The following SORCS3 variants were observed in gnomAD, a reference collection of about 807,000 sequenced individuals.
SORCS3 encodes VPS10 domain-containing receptor SorCS3.
SORCS3 carries 57 observed loss-of-function variants against 146.3 expected under a neutral mutation model. That is an observed-to-expected ratio of 0.39 (90% CI 0.31 to 0.49). The LOEUF (loss-of-function observed/expected upper bound fraction) is 0.49, where lower values mean the gene tolerates loss of function less well. SORCS3 is among the 20% of genes least tolerant of loss of function. SORCS3 has a pLI of 0.92. For synonymous variants in SORCS3, 653 were observed against 618.5 expected, an observed-to-expected ratio of 1.06 and a Z score of -0.83; for missense variants, 1,341 against 1,575.5, an observed-to-expected ratio of 0.85 and a Z score of 2.52.
At chr10:105,157,976 T>A (rs1239405202) in intron 10 of SORCS3, among the ~76,000 whole-genome samples, 1 of 152,248 alleles carries the variant, frequency 6.6e-6, no homozygotes, top group Non-Finnish European at 1.5e-5. Context: ...TCAGAAAGAT[T>A]TATTAACCAC....
intron 3 of SORCS3, among the ~76,000 whole-genome samples, chr10:104,929,921 G>T (rs1474807374): frequency 6.6e-6 from 1 of 152,140 alleles, no homozygotes; most frequent in African/African-American, 2.4e-5. Flanking sequence ...AACAAACAGG[G>T]AAACATGAAA....
intron 1 of SORCS3, among the ~76,000 whole-genome samples, chr10:104,685,027 A>C (rs1315926958): frequency 6.6e-6 from 1 of 151,928 alleles, no homozygotes; most frequent in Non-Finnish European, 1.5e-5. Flanking sequence ...CATATTGGCA[A>C]GGCTGGTCTC....
intron 1 of SORCS3, among the ~76,000 whole-genome samples, chr10:104,686,718 A>G (rs1024245795): frequency 9.2e-5 from 14 of 151,750 alleles, no homozygotes; most frequent in Admixed American, 2.0e-4. Flanking sequence ...AAAACCTCTC[A>G]CTGCACATGA....
chr10:105,177,498 C>T (rs2056413958), intron 13 of SORCS3, among the ~76,000 whole-genome samples: 1 of 152,106 alleles, frequency 6.6e-6, no homozygotes, highest in South Asian at 2.1e-4. Context: ...GGGGCCAGAC[C>T]TTCCTCTTAC....
chr10:104,772,250 G>A lies in SORCS3; in HGVS notation c.628-70542G>A, dbSNP rs868252876. 5.9e-5 allele frequency among the ~76,000 whole-genome samples: 9 copies of A among 151,586 alleles called. No homozygotes were observed. The Middle Eastern group carries it at 0.01, about 172-fold the overall frequency. ...GCAGGGGATTGTGCAGCAGGGGTGGGTGGGCAAGGATCTGCATCTGCAGGT... is the reference window on the plus strand; with the variant it reads ...GCAGGGGATTGTGCAGCAGGGGTGGATGGGCAAGGATCTGCATCTGCAGGT... On this transcript the variant is annotated intron_variant, in intron 1 of 26. Coordinates refer to ENST00000369701, the MANE Select transcript of SORCS3 (RefSeq NM_014978.3).
intron 1 of SORCS3, among the ~76,000 whole-genome samples, chr10:104,831,400 G>A (rs185861539): frequency 2.0e-5 from 3 of 152,286 alleles, no homozygotes; most frequent in African/African-American, 7.2e-5. Context: ...TGCTGAACCT[G>A]TGGCTGGAAT....
intron 13 of SORCS3, among the ~76,000 whole-genome samples, chr10:105,172,311 A>T (rs2056366819): frequency 6.6e-6 from 1 of 152,184 alleles, no homozygotes; most frequent in African/African-American, 2.4e-5. Flanking sequence ...TTTGTTGAGC[A>T]TATGTTATTT....
chr10:105,003,782 G>C (rs976324890), intron 4 of SORCS3, among the ~76,000 whole-genome samples: 14 of 152,054 alleles, frequency 9.2e-5, no homozygotes, highest in African/African-American at 3.1e-4. Context: ...GTGCACTTGG[G>C]AACTGGGGCT....
chr10:104,911,257 C>T (rs1056739816), intron 2 of SORCS3, among the ~76,000 whole-genome samples: 1 of 152,216 alleles, frequency 6.6e-6, no homozygotes, highest in Non-Finnish European at 1.5e-5. Flanking sequence ...CTGTTGGTTC[C>T]ATAGGCTCCC....
rs398014705 is a variant in SORCS3, at chr10:104,969,340, T to TGTGCGC, written c.796-7994_796-7993insTGCGCG. 6.3e-3 allele frequency among the ~76,000 whole-genome samples: 713 copies of TGTGCGC among 112,386 alleles called. 3 individuals are homozygous for TGTGCGC. Among genetic ancestry groups the TGTGCGC allele is most frequent in the African/African-American group, 0.014 (483 of 34,150 alleles). 73.7% of individuals were successfully genotyped at this position (112,386 alleles called of 152,430 possible). ...GTGTGTGTGTGTGTGTGTGTGTGTG[T>TGTGCGC]GCGCGCGCGCGTACAGAGCATGGAA... On this transcript the variant is annotated intron_variant, in intron 3 of 26. Transcript: ENST00000369701.
intron 2 of SORCS3, among the ~76,000 whole-genome samples, chr10:104,877,784 C>T (rs1179734654): frequency 6.6e-6 from 1 of 152,120 alleles, no homozygotes; most frequent in African/African-American, 2.4e-5. Flanking sequence ...TATTTCTTCC[C>T]TATGGTTTTC....
At chr10:104,993,351 G>C (rs1196882162) in intron 4 of SORCS3, among the ~76,000 whole-genome samples, 2 of 152,142 alleles carry the variant, frequency 1.3e-5, no homozygotes, top group Non-Finnish European at 2.9e-5. Flanking sequence ...TGCCTCCCTT[G>C]GCTGCTCTCA....
chr10:104,804,070 T>C (rs747399557), intron 1 of SORCS3, among the ~76,000 whole-genome samples: 7 of 152,254 alleles, frequency 4.6e-5, no homozygotes, highest in Non-Finnish European at 8.8e-5. Flanking sequence ...AATTACCTTG[T>C]TGGCATAAAC....
At chr10:104,956,391 C>A in intron 3 of SORCS3, among the ~76,000 whole-genome samples, 1 of 152,188 alleles carries the variant, frequency 6.6e-6, no homozygotes, top group Non-Finnish European at 1.5e-5. Context: ...AGCTGTGCAA[C>A]CCAAGGGACT....
chr10:104,947,224 C>A (rs1369443004), intron 3 of SORCS3, among the ~76,000 whole-genome samples: 1 of 152,108 alleles, frequency 6.6e-6, no homozygotes, highest in African/African-American at 2.4e-5. Flanking sequence ...AGGAAGGGCT[C>A]TGTTGGTAGA....
intron 1 of SORCS3, among the ~76,000 whole-genome samples, chr10:104,655,455 G>A (rs2015616539): frequency 6.6e-6 from 1 of 151,940 alleles, no homozygotes; most frequent in African/African-American, 2.4e-5. Context: ...CTTCCTTTGT[G>A]TTCATGAGTT....
chr10:105,255,860 A>G (rs1301436288), intron 24 of SORCS3, 59 bp downstream of exon 24: 2 of 1,363,338 alleles, frequency 1.5e-6, no homozygotes, highest in Non-Finnish European at 2.1e-6. Context: ...CAGAGAGAAA[A>G]GGAGGAGAGA....
intron 4 of SORCS3, among the ~76,000 whole-genome samples, chr10:105,006,369 C>T (rs886163067): frequency 2.0e-5 from 3 of 152,196 alleles, no homozygotes; most frequent in African/African-American, 7.2e-5. Flanking sequence ...TCACAACACT[C>T]TTTACTTCCT....
At chr10:104,678,392 G>A (rs1388216230) in intron 1 of SORCS3, among the ~76,000 whole-genome samples, 1 of 152,130 alleles carries the variant, frequency 6.6e-6, no homozygotes, top group African/African-American at 2.4e-5. Context: ...CAATATTAGT[G>A]AATATGACTA....
Sources: allele counts gnomAD v4.1 joint callset (sites outside exome capture counted in the v4.1 genomes callset), GRCh38; gene constraint gnomAD v4.1.1; transcripts MANE v1.5; gene names NCBI Gene and HGNC (gene_info 2026-07-23, HGNC 2026-07-21).